The following DYRK2 variants were observed in gnomAD, a reference collection of about 807,000 sequenced individuals.
DYRK2 encodes the protein dual specificity tyrosine-phosphorylation-regulated kinase 2.
Under a neutral mutation model 41.6 loss-of-function variants are expected in DYRK2, and 12 were observed. The ratio of observed to expected loss-of-function variants is 0.29; its 90% CI spans 0.18 to 0.47. The LOEUF (loss-of-function observed/expected upper bound fraction) is 0.47. Ranked by LOEUF, DYRK2 falls within the 20% of genes least tolerant of loss-of-function variation. The pLI, the probability that DYRK2 is intolerant of heterozygous loss-of-function variation, is 1.00. For synonymous variants in DYRK2, 322 were observed against 315.7 expected (o/e 1.02, Z -0.21); for missense variants, 678 against 798.4 (o/e 0.85, Z 1.82).
At chr12:67,653,172 T>C (rs1872372547) in intron 2 of DYRK2, among the ~76,000 whole-genome samples, 1 of 152,190 alleles carries the variant, frequency 6.6e-6, no homozygotes, top group African/African-American at 2.4e-5. Context: ...TGCTATACAT[T>C]GGCATATCGG....
chr12:67,648,763 G>A lies in DYRK2; in HGVS notation c.-371G>A, dbSNP rs1238259545. The A allele has an allele frequency of 6.6e-6, 1 of 150,802 alleles. No homozygotes were observed. Among genetic ancestry groups the A allele is most frequent in the Non-Finnish European group, 1.5e-5 (1 of 67,868 alleles). 9.3% of individuals were successfully genotyped at this position (150,802 alleles called of 1,614,324 possible). A position where few individuals can be genotyped will look rare whatever the true frequency, so the allele number is the denominator to read the frequency against. On this transcript the variant is annotated 5_prime_UTR_variant, in exon 1 of 3. Coordinates refer to ENST00000344096, the MANE Select transcript of DYRK2 (RefSeq NM_006482.3). ...GGCGCGCGCGCGCGGGCCCGGGAGA[G>A]GCTCCCGAGCCAGGCGGTCTTCGGT... is the stretch of plus-strand genomic sequence containing the variant.
In DYRK2 at chr12:67,649,065, C is replaced by A. The variant is rs1872221362; in HGVS notation, c.-69C>A. ...GCGGCCGGGAGGCGGCGGCGGCGGC[C>A]GCCAGAAGTAGCAGCAGGACCGGCG... On this transcript the variant is annotated 5_prime_UTR_variant, in exon 1 of 3. Transcript: ENST00000344096. 1 of 1,353,382 alleles carries A rather than the reference C, an allele frequency of 7.4e-7. No homozygotes were observed. Among genetic ancestry groups the A allele is most frequent in the Non-Finnish European group, 9.7e-7 (1 of 1,028,992 alleles). The allele number at this position is 1,353,382 out of a possible 1,614,324, so 83.8% of individuals were successfully genotyped here.
Position 67,648,918 on chromosome 12 carries a change from G to A in DYRK2, c.-216G>A. ...GCCGCCCGAGGAAGAGGAGGACGGCGGCGAGGAGGAGAGCGGGGGGCTCGC... is the reference window on the plus strand; with the variant it reads ...GCCGCCCGAGGAAGAGGAGGACGGCAGCGAGGAGGAGAGCGGGGGGCTCGC... On this transcript the variant is annotated 5_prime_UTR_variant, in exon 1 of 3. Coordinates refer to ENST00000344096, the MANE Select transcript of DYRK2 (RefSeq NM_006482.3). 2.7e-6 allele frequency: 1 copy of A among 365,034 alleles called. No individual in the cohort carries two copies. The highest frequency in any genetic ancestry group is 6.8e-5 in the South Asian group (1 of 14,688). The allele number at this position is 365,034 out of a possible 1,614,324, so 22.6% of individuals were successfully genotyped here. A position where few individuals can be genotyped will look rare whatever the true frequency, so the allele number is the denominator to read the frequency against.
At position 67,649,925 on chromosome 12, in the gene DYRK2, G is replaced by A; in HGVS notation, c.178G>A (p.Ala60Thr). 7.3e-7 allele frequency: 1 copy of A among 1,376,644 alleles called. No individual in the cohort carries two copies. Among genetic ancestry groups the A allele is most frequent in the South Asian group, 1.8e-5 (1 of 55,352 alleles). 85.3% of individuals were successfully genotyped at this position (1,376,644 alleles called of 1,614,324 possible). A position where few individuals can be genotyped will look rare whatever the true frequency, so the allele number is the denominator to read the frequency against. ...CCTGCCGCCTCTCCGGGCCAGCAAC[G>A]CTGCCGCCGCAGCCCACACGGTGAG... is the stretch of plus-strand genomic sequence containing the variant. ...IALPPLRASN[A>T]AAAAHTIGGS... The change falls in exon 2 of 3, where the codon GCT becomes ACT. Residue 60 changes from alanine (A) to threonine (T), a missense_variant. By Grantham distance (58) the Ala-to-Thr change is moderately conservative. Around this residue, in one of 2 missense-constraint regions of DYRK2, gnomAD observed 285 missense variants for 279.2 expected, o/e 1.02. Coordinates refer to ENST00000344096, the MANE Select transcript of DYRK2 (RefSeq NM_006482.3).
rs919945833 is a variant in DYRK2 at position 67,649,305 on chromosome 12, C to T, written c.49+123C>T. 1.4e-5 allele frequency: 11 copies of T among 779,638 alleles called. No homozygotes were observed. In the African/African-American group the frequency reaches 1.9e-4, roughly 13 times the overall value. 48.3% of individuals were successfully genotyped at this position (779,638 alleles called of 1,614,324 possible). A position where few individuals can be genotyped will look rare whatever the true frequency, so the allele number is the denominator to read the frequency against. On this transcript the variant is annotated intron_variant, in intron 1 of 2. Coordinates refer to ENST00000344096, the MANE Select transcript of DYRK2 (RefSeq NM_006482.3). ...AAGTCGGCGGCGCGGCGCGGGGGAG[C>T]CCCCGGGCGGACGACGCGCCCCGGG...
intron 2 of DYRK2, among the ~76,000 whole-genome samples, chr12:67,655,796 T>C (rs1411215780): frequency 6.6e-6 from 1 of 152,222 alleles, no homozygotes; most frequent in Non-Finnish European, 1.5e-5. Context: ...GTAATCCAGG[T>C]GTTCCCAAAT....
chr12:67,654,846 T>C (rs1872420410), intron 2 of DYRK2, among the ~76,000 whole-genome samples: 1 of 152,200 alleles, frequency 6.6e-6, no homozygotes, highest in Non-Finnish European at 1.5e-5. Context: ...TTGGAAGGTC[T>C]GAGCTCAGGG....
chr12:67,655,375 G>A (rs1872437657), intron 2 of DYRK2, among the ~76,000 whole-genome samples: 1 of 152,332 alleles, frequency 6.6e-6, no homozygotes, highest in Non-Finnish European at 1.5e-5. Flanking sequence ...ACAGTGGACA[G>A]GAGAGGGTGC....
intron 1 of DYRK2, 44 bp from the exon 2 acceptor site, chr12:67,649,753 T>A (rs2120804506): frequency 7.7e-7 from 1 of 1,306,290 alleles, no homozygotes; most frequent in East Asian, 2.8e-5. Context: ...GGTGACTTTC[T>A]CCCCCCTGAC....
rs780280111 is a variant in DYRK2 at position 67,649,150 on chromosome 12, C to A, written c.17C>A (p.Pro6His). MLTRK[P>H]SAAAPAAYPT... Reference sequence around the variant, plus strand: ...CCAGCGGCCATGTTAACCAGGAAACCTTCGGCCGCCGCTCCCGCCGCCTAC... The same window carrying A: ...CCAGCGGCCATGTTAACCAGGAAACATTCGGCCGCCGCTCCCGCCGCCTAC... The change falls in exon 1 of 3, where the codon CCT becomes CAT. Residue 6 changes from proline (P) to histidine (H), a missense_variant. Pro to His is a moderately conservative substitution (Grantham distance 77). This residue lies in a region of DYRK2 where 285 missense variants were observed against 279.2 expected (regional missense o/e 1.02). Coordinates refer to ENST00000344096, the MANE Select transcript of DYRK2 (RefSeq NM_006482.3). The A allele has an allele frequency of 1.3e-6, 2 of 1,511,872 alleles. No homozygotes were observed. The highest frequency in any genetic ancestry group is 1.2e-5 in the South Asian group (1 of 81,404). 93.7% of individuals were successfully genotyped at this position (1,511,872 alleles called of 1,614,324 possible).
rs80173460 is a variant in DYRK2 at position 67,657,372 on chromosome 12, A to G, written c.465A>G (p.Thr155=). The G allele has an allele frequency of 1.5e-3, 2,426 of 1,614,180 alleles. 27 individuals carry two copies. The African/African-American group carries it at 0.03, about 20-fold the overall frequency. The part of the protein sequence containing the change: ...GMGKVKATPM[T]PEQAMKQYMQ... Reference sequence around the variant, plus strand: ...GGAAGGTGAAAGCCACCCCCATGACACCTGAACAAGCAATGAAGCAATACA... The same window carrying G: ...GGAAGGTGAAAGCCACCCCCATGACGCCTGAACAAGCAATGAAGCAATACA... Residue 155 remains threonine (T), a synonymous_variant, in exon 3 of 3, where the codon ACA becomes ACG. Transcript: ENST00000344096. This position sits in a 1 kb window ranked among gnomAD's most constrained non-coding sequence, Gnocchi z 4.8.
intron 2 of DYRK2, among the ~76,000 whole-genome samples, chr12:67,654,973 G>A (rs1487494696): frequency 6.6e-6 from 1 of 152,148 alleles, no homozygotes; most frequent in Non-Finnish European, 1.5e-5. Context: ...GAACCCTGGG[G>A]AACTCTTGAA....
Position 67,659,528 on chromosome 12 carries a change from C to G in DYRK2, c.*815C>G, listed in dbSNP as rs911940934. ...TCTCCTCTCTGTTCCTCTTTTAATA[C>G]CACACGTCTGTTGCTTGCATTTAGT... On this transcript the variant is annotated 3_prime_UTR_variant, in exon 3 of 3. Transcript: ENST00000344096. 1.2e-5 allele frequency: 2 copies of G among 166,962 alleles called. No individual in the cohort carries two copies. The highest frequency in any genetic ancestry group is 2.9e-5 in the Non-Finnish European group (2 of 68,118). 10.3% of individuals were successfully genotyped at this position (166,962 alleles called of 1,614,324 possible).
chr12:67,649,437 C>T (rs139451618), intron 1 of DYRK2, among the ~76,000 whole-genome samples: 3 of 151,796 alleles, frequency 2.0e-5, no homozygotes, highest in Non-Finnish European at 4.4e-5. Flanking sequence ...CCAGGCCTGC[C>T]GCCCCGCCCT....
In DYRK2 at chr12:67,658,590, A is replaced by G. The variant is rs1323221767; in HGVS notation, c.1683A>G (p.Thr561=). 3.7e-6 allele frequency: 6 copies of G among 1,614,212 alleles called. No individual in the cohort carries two copies. Among genetic ancestry groups the G allele is most frequent in the Non-Finnish European group, 5.1e-6 (6 of 1,180,034 alleles). ...TAACTGAGAGCACCGGTGCTATCACATCTATATCCAAGTTACCTCCACCTT... is the reference window on the plus strand; with the variant it reads ...TAACTGAGAGCACCGGTGCTATCACGTCTATATCCAAGTTACCTCCACCTT... ...KRITESTGAI[T]SISKLPPPSS... Residue 561 remains threonine, a synonymous_variant, in exon 3 of 3, where the codon ACA becomes ACG. Transcript: ENST00000344096. The surrounding 1 kb of genome is among the most constrained non-coding windows in gnomAD (Gnocchi z 4.3).
chr12:67,657,739 A>C lies in DYRK2; in HGVS notation c.832A>C (p.Lys278Gln). The C allele has an allele frequency of 2.5e-6, 4 of 1,614,222 alleles. No individual in the cohort carries two copies. The highest frequency in any genetic ancestry group is 3.4e-6 in the Non-Finnish European group (4 of 1,180,040). Residue 278 changes from lysine to glutamine, a missense_variant, in exon 3 of 3, where the codon AAG becomes CAG. By Grantham distance (53) the Lys-to-Gln change is moderately conservative. Around this residue, in one of 2 missense-constraint regions of DYRK2, gnomAD observed 393 missense variants for 519.1 expected, o/e 0.76. Transcript: ENST00000344096. This position sits in a 1 kb window ranked among gnomAD's most constrained non-coding sequence, Gnocchi z 4.8. ...CCTGGAACACCTGCGGAAGCAGGAC[A>C]AGGATAACACAATGAATGTCATCCA... ...RILEHLRKQD[K>Q]DNTMNVIHML...
rs767371517 is a variant in DYRK2, at chr12:67,657,587, T to C, written c.680T>C (p.Val227Ala). 6.2e-7 allele frequency: 1 copy of C among 1,613,900 alleles called. No homozygotes were observed. ...HVAYRYEVLK[V>A]IGKGSFGQVV... is the part of the protein sequence containing the mutation. ...GCTTACAGGTATGAGGTCCTCAAGG[T>C]CATTGGGAAGGGGAGCTTTGGGCAG... The change falls in exon 3 of 3, where the codon GTC (valine) becomes GCC (alanine). Residue 227 changes from valine to alanine, a missense_variant. By Grantham distance (64) the Val-to-Ala change is moderately conservative. This residue lies in a region of DYRK2 where 393 missense variants were observed against 519.1 expected (regional missense o/e 0.76). Transcript: ENST00000344096. The surrounding 1 kb of genome is among the most constrained non-coding windows in gnomAD (Gnocchi z 4.8).
Position 67,659,398 on chromosome 12 carries a change from A to G in DYRK2, c.*685A>G, listed in dbSNP as rs1431447904. 1 of 167,112 alleles carries G rather than the reference A, an allele frequency of 6.0e-6. No homozygotes were observed. The highest frequency in any genetic ancestry group is 6.5e-5 in the Admixed American group (1 of 15,288). The allele number at this position is 167,112 out of a possible 1,614,324, so 10.4% of individuals were successfully genotyped here. On this transcript the variant is annotated 3_prime_UTR_variant, in exon 3 of 3. Coordinates refer to ENST00000344096, the MANE Select transcript of DYRK2 (RefSeq NM_006482.3). Reference sequence around the variant, plus strand: ...TGTGTGTTCCTCCAAATTTTCTAGTATGATCGGTGAGCTGTTTTGTAAAGA... The same window carrying G: ...TGTGTGTTCCTCCAAATTTTCTAGTGTGATCGGTGAGCTGTTTTGTAAAGA...
At chr12:67,652,932 C>G (rs1259497448) in intron 2 of DYRK2, among the ~76,000 whole-genome samples, 1 of 152,142 alleles carries the variant, frequency 6.6e-6, no homozygotes, top group African/African-American at 2.4e-5. Flanking sequence ...GGGGTTCAAG[C>G]GATTCTCTTG....
Sources: allele counts gnomAD v4.1 joint callset (sites outside exome capture counted in the v4.1 genomes callset), GRCh38; gene constraint gnomAD v4.1.1; regional missense constraint gnomAD v4.1.1; non-coding constraint Gnocchi (gnomAD v3.1); transcripts MANE v1.5; gene names NCBI Gene and HGNC (gene_info 2026-07-23, HGNC 2026-07-21).